Variants in GPR155 observed in about 807,000 individuals in gnomAD.
GPR155 encodes the protein lysosomal cholesterol signaling protein.
A neutral mutation model predicts 93.1 loss-of-function variants in GPR155; 65 were observed. The observed-to-expected ratio is 0.70, with a 90% CI of 0.57 to 0.86. GPR155 has a LOEUF of 0.86. GPR155 is among the 40% of genes least tolerant of loss of function. The pLI is 0.00. For synonymous variants in GPR155, 319 were observed against 360.1 expected, an observed-to-expected ratio of 0.89 and a Z score of 1.29; for missense variants, 838 against 1,034.8, an observed-to-expected ratio of 0.81 and a Z score of 2.61.
intron 1 of GPR155, among the ~76,000 whole-genome samples, chr2:174,485,691 T>A (rs943309234): frequency 4.9e-4 from 74 of 151,860 alleles, no homozygotes; most frequent in African/African-American, 1.8e-3. Flanking sequence ...TGAGGTAAAG[T>A]CAAAATAATC....
intron 11 of GPR155, among the ~76,000 whole-genome samples, chr2:174,450,963 A>G (rs1435165676): frequency 6.6e-6 from 1 of 152,176 alleles, no homozygotes; most frequent in African/African-American, 2.4e-5. Context: ...ATTTGTATAT[A>G]TGTGTGGAAA....
chr2:174,456,326 A>G (rs150432569), intron 10 of GPR155, among the ~76,000 whole-genome samples: 10 of 148,136 alleles, frequency 6.8e-5, no homozygotes, highest in African/African-American at 2.5e-4. Context: ...TTTTTTTGAG[A>G]CAGTGTCTCG....
intron 11 of GPR155, among the ~76,000 whole-genome samples, chr2:174,449,607 G>A (rs972085469): frequency 2.0e-5 from 3 of 152,208 alleles, no homozygotes; most frequent in Non-Finnish European, 4.4e-5. Flanking sequence ...AACTTTGGGA[G>A]GACAAGGCGG....
At chr2:174,447,747 G>A (rs566554226) in intron 11 of GPR155, among the ~76,000 whole-genome samples, 2 of 147,524 alleles carry the variant, frequency 1.4e-5, no homozygotes, top group South Asian at 4.2e-4. Context: ...CTAAATATCA[G>A]ATACTCATGG....
At chr2:174,477,714 G>A (rs756000675) in intron 2 of GPR155, among the ~76,000 whole-genome samples, 3 of 151,896 alleles carry the variant, frequency 2.0e-5, no homozygotes, top group African/African-American at 4.8e-5. Context: ...AAAGCAGTAC[G>A]GTATAGTATA....
chr2:174,470,069 C>T (rs1220386398), intron 4 of GPR155, among the ~76,000 whole-genome samples: 3 of 152,172 alleles, frequency 2.0e-5, no homozygotes, highest in African/African-American at 7.2e-5. Context: ...GCCATGTTGG[C>T]CAGGCTGGTC....
Position 174,435,103 on chromosome 2 carries a change from AAC to A in GPR155, c.*1011_*1012del, listed in dbSNP as rs1399029764. The A allele has an allele frequency of 2.0e-5, 3 of 152,242 alleles. No individual in the cohort carries two copies. The highest frequency in any genetic ancestry group is 4.4e-5 in the Non-Finnish European group (3 of 68,042). 9.4% of individuals were successfully genotyped at this position (152,242 alleles called of 1,614,324 possible). ...CTTGCCAAATTTGATAATTTATAGG[AAC>A]AGTTAATAGGATATTAATTTTGAAA... On this transcript the variant is annotated 3_prime_UTR_variant, in exon 16 of 16. Transcript: ENST00000392552.
intron 2 of GPR155, among the ~76,000 whole-genome samples, chr2:174,475,399 T>C (rs1170746027): frequency 6.6e-6 from 1 of 151,458 alleles, no homozygotes; most frequent in East Asian, 1.9e-4. Flanking sequence ...ACTCAGGATA[T>C]GTAAGTTCAG....
At position 174,472,893 on chromosome 2, in the gene GPR155, C is replaced by T. The variant is rs1429656089; in HGVS notation, c.860+72G>A. 19 of 1,187,474 alleles carry T rather than the reference C, an allele frequency of 1.6e-5. No individual in the cohort carries two copies. In the South Asian group the frequency reaches 2.0e-4, roughly 12 times the overall value. The allele number at this position is 1,187,474 out of a possible 1,614,324, so 73.6% of individuals were successfully genotyped here. A position where few individuals can be genotyped will look rare whatever the true frequency, so the allele number is the denominator to read the frequency against. ...ATTCAAAGGGGAAAATGGTTGCAGA[C>T]ATACCCCTGATGAATTGGCTAAATA... On this transcript the variant is annotated intron_variant, in intron 3 of 15. Transcript: ENST00000392552.
At position 174,436,106 on chromosome 2, in the gene GPR155, C is replaced by T. The variant is rs765404739; in HGVS notation, c.*10G>A. The T allele has an allele frequency of 6.2e-7, 1 of 1,605,442 alleles. No individual in the cohort carries two copies. Among genetic ancestry groups the T allele is most frequent in the Admixed American group, 1.7e-5 (1 of 59,858 alleles). On this transcript the variant is annotated 3_prime_UTR_variant, in exon 16 of 16. Coordinates refer to ENST00000392552, the MANE Select transcript of GPR155 (RefSeq NM_152529.7). The stretch of plus-strand genomic sequence containing the variant: ...AATATGATTCCATGTAGGGTTCTCC[C>T]CTGCATAATTTAGGTCTTAGGGGAA...
At chr2:174,452,077 T>C (rs1378344104) in intron 11 of GPR155, among the ~76,000 whole-genome samples, 1 of 152,198 alleles carries the variant, frequency 6.6e-6, no homozygotes, top group Non-Finnish European at 1.5e-5. Flanking sequence ...ACTAGGTATA[T>C]TGTGTAGGGA....
At chr2:174,482,245 G>A (rs1438434622) in intron 1 of GPR155, among the ~76,000 whole-genome samples, 2 of 152,214 alleles carry the variant, frequency 1.3e-5, no homozygotes, top group African/African-American at 4.8e-5. Context: ...ATGTTGCTAA[G>A]TTCTATACTC....
intron 11 of GPR155, among the ~76,000 whole-genome samples, chr2:174,448,536 T>G (rs1454613312): frequency 2.1e-5 from 3 of 140,556 alleles, no homozygotes; most frequent in South Asian, 2.3e-4. Context: ...TTTTGTTTTT[T>G]TTTTTTTTTT....
At chr2:174,475,792 C>T (rs1688149751) in intron 2 of GPR155, among the ~76,000 whole-genome samples, 1 of 151,900 alleles carries the variant, frequency 6.6e-6, no homozygotes, top group Admixed American at 6.6e-5. Context: ...TCATACCTGC[C>T]CACCAACTTT....
chr2:174,477,713 C>T (rs951861443), intron 2 of GPR155, among the ~76,000 whole-genome samples: 6 of 151,860 alleles, frequency 4.0e-5, no homozygotes, highest in Non-Finnish European at 5.9e-5. Context: ...GAAAGCAGTA[C>T]GGTATAGTAT....
intron 10 of GPR155, among the ~76,000 whole-genome samples, 183 bp downstream of exon 10, chr2:174,459,695 A>C (rs1417713161): frequency 6.6e-6 from 1 of 152,144 alleles, no homozygotes; most frequent in East Asian, 1.9e-4. Context: ...AAATACAAAA[A>C]TTAGCAGGGC....
chr2:174,457,556 A>G (rs1375977862), intron 10 of GPR155, among the ~76,000 whole-genome samples: 1 of 152,148 alleles, frequency 6.6e-6, no homozygotes, highest in Non-Finnish European at 1.5e-5. Flanking sequence ...TCCCTGGTTC[A>G]AGCGATTCTT....
At chr2:174,458,354 T>C (rs1293116381) in intron 10 of GPR155, among the ~76,000 whole-genome samples, 1 of 152,226 alleles carries the variant, frequency 6.6e-6, no homozygotes, top group African/African-American at 2.4e-5. Context: ...GAAACTAAAA[T>C]GAATCCTTGG....
intron 11 of GPR155, among the ~76,000 whole-genome samples, chr2:174,449,211 T>C (rs986263604): frequency 6.6e-6 from 1 of 152,152 alleles, no homozygotes; most frequent in East Asian, 1.9e-4. Flanking sequence ...AGGGCTATTA[T>C]TAAAAAATCA....
Sources: gnomAD v4.1 joint callset for allele counts (sites outside exome capture counted in the v4.1 genomes callset) on GRCh38, gnomAD v4.1.1 for gene constraint, MANE v1.5 for transcripts, NCBI Gene and HGNC (gene_info 2026-07-23, HGNC 2026-07-21) for gene names.